The following ANKRD10 variants were observed in gnomAD, a reference collection of about 807,000 sequenced individuals.
The protein encoded by ANKRD10 is ankyrin repeat domain-containing protein 10.
A neutral mutation model predicts 27.0 loss-of-function variants in ANKRD10; 14 were observed. The ratio of observed to expected loss-of-function variants is 0.52; its 90% CI spans 0.34 to 0.81. The LOEUF is 0.81. ANKRD10 is among the 40% of genes least tolerant of loss of function. The pLI is 0.01. For synonymous variants in ANKRD10, 250 were observed against 224.5 expected, an observed-to-expected ratio of 1.11 and a Z score of -1.01; for missense variants, 493 against 544.0, an observed-to-expected ratio of 0.91 and a Z score of 0.93.
chr13:110,898,377 TTTTCA>T (rs2065284984), intron 3 of ANKRD10, among the ~76,000 whole-genome samples: 1 of 152,236 alleles, frequency 6.6e-6, no homozygotes, highest in Non-Finnish European at 1.5e-5. Flanking sequence ...TTAAATTCTA[TTTTCA>T]TTTGTTAACC....
chr13:110,893,031 C>T lies in ANKRD10; in HGVS notation c.688G>A (p.Glu230Lys), dbSNP rs1316723020. 3 of 1,613,924 alleles carry T rather than the reference C, an allele frequency of 1.9e-6. No homozygotes were observed. In the South Asian group the frequency reaches 3.3e-5, roughly 18 times the overall value. Residue 230 changes from glutamate (E) to lysine (K), a missense_variant, in exon 4 of 6, where the codon GAA becomes AAA. Coordinates refer to ENST00000267339, the MANE Select transcript of ANKRD10 (RefSeq NM_017664.4). ...CCCACCCGCAAAGCGGTCTCACCTT[C>T]AGTTCTAGCTTTCTTTACTCCAAAG... ...EDFGVKKARTEAQSLDSAVPL... is the reference protein window; with the variant it reads ...EDFGVKKARTKAQSLDSAVPL...
chr13:110,884,475 TACA>T (rs1225386710), intron 4 of ANKRD10, among the ~76,000 whole-genome samples: 2 of 152,218 alleles, frequency 1.3e-5, no homozygotes, highest in Admixed American at 1.3e-4. Flanking sequence ...ACTCACTTCT[TACA>T]ACAAGCAGCT....
intron 3 of ANKRD10, 101 bp from the exon 4 acceptor site, chr13:110,893,364 A>C (rs2065134182): frequency 9.3e-7 from 1 of 1,075,456 alleles, no homozygotes. Context: ...ATGAAAGAGT[A>C]AACAAATTCA....
At chr13:110,913,935 T>C (rs534098122) in intron 1 of ANKRD10, among the ~76,000 whole-genome samples, 3 of 152,244 alleles carry the variant, frequency 2.0e-5, no homozygotes, top group Non-Finnish European at 2.9e-5. Context: ...AGCAGCACTG[T>C]GTTCCCCCAG....
chr13:110,894,345 G>C, intron 3 of ANKRD10: 1 of 295,830 alleles, frequency 3.4e-6, no homozygotes, highest in Non-Finnish European at 6.3e-6. Context: ...GCCTTGTGCT[G>C]TGTCACTCAA....
rs535358945 is a variant in ANKRD10, at chr13:110,915,021, C to G, written c.-87G>C. On this transcript the variant is annotated 5_prime_UTR_variant, in exon 1 of 6. Transcript: ENST00000267339. ...AAGCCGCCGCCGCAGCACAAAGGAA[C>G]GAGACTAGCGCCGCGGTCGCGTCCC... 1.4e-6 allele frequency: 2 copies of G among 1,464,912 alleles called. No homozygotes were observed. Among genetic ancestry groups the G allele is most frequent in the East Asian group, 2.5e-5 (1 of 39,396 alleles). The allele number at this position is 1,464,912 out of a possible 1,614,324, so 90.7% of individuals were successfully genotyped here. A position where few individuals can be genotyped will look rare whatever the true frequency, so the allele number is the denominator to read the frequency against.
At chr13:110,890,113 T>G (rs1022804695) in intron 4 of ANKRD10, among the ~76,000 whole-genome samples, 1 of 152,124 alleles carries the variant, frequency 6.6e-6, no homozygotes, top group African/African-American at 2.4e-5. Context: ...AAGCAAAACT[T>G]AAAACACACA....
At position 110,906,029 on chromosome 13, in the gene ANKRD10, T is replaced by C. The variant is rs2065521309; in HGVS notation, c.455+4A>G. Reference sequence around the variant, plus strand: ...GCTGGAAAGAATAAACGAAAGACACTTACTCGACGTGAGCCCCATTCGCCA... The same window carrying C: ...GCTGGAAAGAATAAACGAAAGACACCTACTCGACGTGAGCCCCATTCGCCA... On this transcript the variant is annotated splice_donor_region_variant and intron_variant, in intron 3 of 5. Transcript: ENST00000267339. 2.5e-6 allele frequency: 4 copies of C among 1,588,392 alleles called. No individual in the cohort carries two copies. Among genetic ancestry groups the C allele is most frequent in the Non-Finnish European group, 3.4e-6 (4 of 1,164,644 alleles).
Position 110,880,081 on chromosome 13 carries a change from T to G in ANKRD10, c.819A>C (p.Thr273=). ...CATTGATGACACATCCATTTGTCAA[T>G]GTATTCGATACGGAGCTACTGTTTT... ...DMKNSSSVSN[T]LTNGCVINGH... is the part of the protein sequence containing the mutation. The change falls in exon 6 of 6, where the codon ACA becomes ACC. Residue 273 remains threonine, a synonymous_variant. Transcript: ENST00000267339. 6.2e-7 allele frequency: 1 copy of G among 1,614,184 alleles called. No homozygotes were observed. The highest frequency in any genetic ancestry group is 8.5e-7 in the Non-Finnish European group (1 of 1,180,022).
chr13:110,887,861 G>T (rs962752451), intron 4 of ANKRD10, among the ~76,000 whole-genome samples: 7 of 152,156 alleles, frequency 4.6e-5, no homozygotes, highest in African/African-American at 1.7e-4. Context: ...ACTGAACTGA[G>T]TGCATCCTGC....
chr13:110,899,388 C>G (rs34554825), intron 3 of ANKRD10, among the ~76,000 whole-genome samples: 1 of 152,194 alleles, frequency 6.6e-6, no homozygotes, highest in Non-Finnish European at 1.5e-5. Flanking sequence ...TGTGCCTGAC[C>G]TAAAACGTGT....
intron 2 of ANKRD10, among the ~76,000 whole-genome samples, chr13:110,909,702 ATTAC>A (rs1287099292): frequency 2.0e-5 from 3 of 152,210 alleles, no homozygotes; most frequent in Admixed American, 6.5e-5. Context: ...TTCTTTCTCA[ATTAC>A]TTACTGCTCA....
chr13:110,888,875 C>T (rs773772265), intron 4 of ANKRD10, among the ~76,000 whole-genome samples: 1 of 152,090 alleles, frequency 6.6e-6, no homozygotes, highest in East Asian at 1.9e-4. Flanking sequence ...TGATTAAGAC[C>T]GAGCTGTGAA....
At chr13:110,904,582 G>C (rs2065475402) in intron 3 of ANKRD10, among the ~76,000 whole-genome samples, 1 of 152,090 alleles carries the variant, frequency 6.6e-6, no homozygotes, top group African/African-American at 2.4e-5. Context: ...ATCATGTTAT[G>C]ACTCCGTATT....
chr13:110,903,720 G>A (rs2065449333), intron 3 of ANKRD10, among the ~76,000 whole-genome samples: 1 of 152,100 alleles, frequency 6.6e-6, no homozygotes, highest in South Asian at 2.1e-4. Context: ...TAATAATACT[G>A]ATATAAGGCA....
chr13:110,883,899 A>C, intron 4 of ANKRD10, 106 bp from the exon 5 acceptor site: 1 of 1,283,958 alleles, frequency 7.8e-7, no homozygotes. Context: ...ACTTTAAACA[A>C]TCACATAAAA....
At chr13:110,896,299 G>A (rs1450875315) in intron 3 of ANKRD10, among the ~76,000 whole-genome samples, 3 of 152,200 alleles carry the variant, frequency 2.0e-5, no homozygotes, top group African/African-American at 4.8e-5. Context: ...TTCTAGTGAG[G>A]TACAAGAACA....
intron 4 of ANKRD10, chr13:110,892,784 C>A: frequency 8.2e-7 from 1 of 1,219,014 alleles, no homozygotes; most frequent in Non-Finnish European, 1.0e-6. Flanking sequence ...AACATGGGTG[C>A]TCAAAAAGTT....
intron 3 of ANKRD10, chr13:110,894,448 A>G (rs1046315274): frequency 4.2e-5 from 12 of 283,462 alleles, no homozygotes; most frequent in African/African-American, 2.7e-4. Context: ...GAGAGTGAAA[A>G]CTACAGAATT....
Sources: allele counts gnomAD v4.1 joint callset (sites outside exome capture counted in the v4.1 genomes callset), GRCh38; gene constraint gnomAD v4.1.1; transcripts MANE v1.5; gene names NCBI Gene and HGNC (gene_info 2026-07-23, HGNC 2026-07-21).